The following NUP153 variants were observed in gnomAD, a reference collection of about 807,000 sequenced individuals.
NUP153 encodes the protein nuclear pore complex protein Nup153.
Under a neutral mutation model 134.6 loss-of-function variants are expected in NUP153, and 27 were observed. That is an observed-to-expected ratio of 0.20 (90% confidence interval 0.15 to 0.28). The LOEUF is 0.28. Among genes scored for constraint, NUP153 ranks in the 10% least tolerant of loss-of-function variants. The pLI, the probability that NUP153 is intolerant of heterozygous loss-of-function variation, is 1.00. For missense variants in NUP153, 1,821 were observed against 1,731.3 expected (o/e 1.05, Z -0.92); for synonymous variants, 640 against 623.5 (o/e 1.03, Z -0.40).
intron 14 of NUP153, among the ~76,000 whole-genome samples, chr6:17,640,424 A>G (rs1294900297): frequency 6.6e-6 from 1 of 152,246 alleles, no homozygotes; most frequent in East Asian, 1.9e-4. Flanking sequence ...ACAACAATTT[A>G]CAAAACTAAT....
intron 2 of NUP153, among the ~76,000 whole-genome samples, chr6:17,686,987 T>G (rs1484632724): frequency 6.6e-6 from 1 of 152,054 alleles, no homozygotes; most frequent in Non-Finnish European, 1.5e-5. Flanking sequence ...TCAGAAGTTA[T>G]ACAAAAAAGC....
intron 2 of NUP153, among the ~76,000 whole-genome samples, chr6:17,681,275 C>G (rs1017436597): frequency 6.6e-6 from 1 of 151,472 alleles, no homozygotes; most frequent in African/African-American, 2.4e-5. Context: ...TACCAGTGGG[C>G]AACTCATGGA....
intron 15 of NUP153, 127 bp downstream of exon 15, chr6:17,639,812 T>A (rs1284383016): frequency 2.6e-6 from 2 of 757,102 alleles, no homozygotes; most frequent in African/African-American, 1.8e-5. Context: ...TAACTACATC[T>A]CTATTCAAAA....
At chr6:17,701,851 G>A (rs1186404025) in intron 1 of NUP153, among the ~76,000 whole-genome samples, 1 of 101,810 alleles carries the variant, frequency 9.8e-6, no homozygotes, top group African/African-American at 3.5e-5. Flanking sequence ...GGGGAAAAAA[G>A]CTAAATGCAG....
At position 17,669,031 on chromosome 6, in the gene NUP153, GAAA is replaced by G; in HGVS notation, c.1015-6_1015-4del. On this transcript the variant is annotated splice_polypyrimidine_tract_variant and splice_region_variant and intron_variant, in intron 7 of 21. Transcript: ENST00000262077. Reference sequence around the variant, plus strand: ...TCTATCCCACTCCTATCAAGAGGCTGAAAAAAAAAAAAAACACTATTAGAATAG... The same window carrying G: ...TCTATCCCACTCCTATCAAGAGGCTGAAAAAAAAAAACACTATTAGAATAG... 8.7e-5 allele frequency: 104 copies of G among 1,198,472 alleles called. No individual in the cohort carries two copies. The highest frequency in any genetic ancestry group is 1.9e-4 in the South Asian group (11 of 59,104). The allele number at this position is 1,198,472 out of a possible 1,614,324, so 74.2% of individuals were successfully genotyped here.
At chr6:17,632,320 C>A (rs538754923) in intron 17 of NUP153, among the ~76,000 whole-genome samples, 20 of 140,298 alleles carry the variant, frequency 1.4e-4, no homozygotes, top group African/African-American at 3.4e-4. Flanking sequence ...AACAAACAAA[C>A]AAAAAAACAA....
At chr6:17,663,254 C>G (rs1421776400) in intron 9 of NUP153, among the ~76,000 whole-genome samples, 1 of 138,178 alleles carries the variant, frequency 7.2e-6, no homozygotes, top group Non-Finnish European at 1.7e-5. Flanking sequence ...CACACACACA[C>G]ACACACATAT....
At chr6:17,658,060 G>A (rs2113811127) in intron 11 of NUP153, among the ~76,000 whole-genome samples, 1 of 152,336 alleles carries the variant, frequency 6.6e-6, no homozygotes, top group South Asian at 2.1e-4. Flanking sequence ...AACACATTTG[G>A]CCCAGAACTG....
intron 11 of NUP153, among the ~76,000 whole-genome samples, chr6:17,658,270 C>A (rs1373596312): frequency 6.6e-6 from 1 of 152,188 alleles, no homozygotes. Context: ...GTGGCACATG[C>A]CTGTAATCAC....
Position 17,706,187 on chromosome 6 carries a change from T to C in NUP153, c.111+90A>G. The C allele has an allele frequency of 9.5e-7, 1 of 1,054,574 alleles. No individual in the cohort carries two copies. Among genetic ancestry groups the C allele is most frequent in the Non-Finnish European group, 1.4e-6 (1 of 691,096 alleles). 65.3% of individuals were successfully genotyped at this position (1,054,574 alleles called of 1,614,324 possible). A position where few individuals can be genotyped will look rare whatever the true frequency, so the allele number is the denominator to read the frequency against. ...CCTTTCCTCAGGCCCTCCTGTCTGC[T>C]CCACGTGGGGCGCCGGGGCCTCGAA... On this transcript the variant is annotated intron_variant, in intron 1 of 21. Transcript: ENST00000262077. The surrounding 1 kb of genome is among the most constrained non-coding windows in gnomAD (Gnocchi z 5.9).
At chr6:17,644,401 T>C (rs528459261) in intron 14 of NUP153, among the ~76,000 whole-genome samples, 3 of 152,174 alleles carry the variant, frequency 2.0e-5, no homozygotes, top group Non-Finnish European at 4.4e-5. Flanking sequence ...CCTAATGCAG[T>C]CAGAATAAAA....
At chr6:17,689,755 C>A (rs1018083309) in intron 1 of NUP153, among the ~76,000 whole-genome samples, 1 of 151,880 alleles carries the variant, frequency 6.6e-6, no homozygotes, top group African/African-American at 2.4e-5. Flanking sequence ...AAACTCCCGA[C>A]CTCAGGTGAT....
At chr6:17,702,749 G>A (rs968048134) in intron 1 of NUP153, among the ~76,000 whole-genome samples, 1 of 152,084 alleles carries the variant, frequency 6.6e-6, no homozygotes, top group Non-Finnish European at 1.5e-5. Context: ...AAGGGGTAGG[G>A]GAGAAGGCAA....
chr6:17,671,539 T>C (rs1217621678), intron 5 of NUP153, among the ~76,000 whole-genome samples: 1 of 152,196 alleles, frequency 6.6e-6, no homozygotes, highest in East Asian at 1.9e-4. Context: ...AACAAAAGTC[T>C]AACAAATAAG....
chr6:17,646,192 A>C (rs370750802), intron 13 of NUP153, 38 bp from the exon 14 acceptor site: 15 of 1,102,532 alleles, frequency 1.4e-5, no homozygotes, highest in African/African-American at 1.6e-5. Context: ...TTCGTTTTCA[A>C]TAAGTATCAA....
chr6:17,643,386 C>T (rs1470029285), intron 14 of NUP153, among the ~76,000 whole-genome samples: 1 of 152,138 alleles, frequency 6.6e-6, no homozygotes, highest in African/African-American at 2.4e-5. Flanking sequence ...GCACAAGAAT[C>T]GCCTGAACCC....
intron 13 of NUP153, 25 bp downstream of exon 13, chr6:17,647,782 A>G (rs1282584977): frequency 7.5e-7 from 1 of 1,327,918 alleles, no homozygotes; most frequent in Admixed American, 1.7e-5. Context: ...CAGTAAATAT[A>G]TACTATTCCT....
intron 2 of NUP153, among the ~76,000 whole-genome samples, chr6:17,679,824 C>T (rs553762598): frequency 1.1e-4 from 16 of 152,148 alleles, no homozygotes; most frequent in Non-Finnish European, 1.9e-4. Context: ...GGTAACCATA[C>T]CTTTTAAAGA....
intron 11 of NUP153, among the ~76,000 whole-genome samples, chr6:17,660,765 C>T (rs932414252): frequency 3.9e-5 from 6 of 152,110 alleles, no homozygotes; most frequent in Admixed American, 6.5e-5. Flanking sequence ...ACATCTAATA[C>T]AGCAGAAGAT....
Sources: gnomAD v4.1 joint callset for allele counts (sites outside exome capture counted in the v4.1 genomes callset) on GRCh38, gnomAD v4.1.1 for gene constraint, Gnocchi (gnomAD v3.1) non-coding constraint, MANE v1.5 for transcripts, NCBI Gene and HGNC (gene_info 2026-07-23, HGNC 2026-07-21) for gene names.